Variants in ZNF616 observed in about 807,000 individuals in gnomAD.
ZNF616 encodes zinc finger protein 616.
Under a neutral mutation model 7.6 loss-of-function variants are expected in ZNF616, and 5 were observed. The ratio of observed to expected loss-of-function variants is 0.66; its 90% confidence interval spans 0.34 to 1.38. ZNF616 has a LOEUF of 1.38. Ranked by LOEUF, ZNF616 falls within the 40% of genes most tolerant of loss-of-function variation. ZNF616 has a pLI of 0.04. For synonymous variants in ZNF616, 319 were observed against 317.2 expected (o/e 1.01, Z -0.06); for missense variants, 913 against 948.3 (o/e 0.96, Z 0.49).
chr19:52,133,368 A>G (rs2088976310), intron 1 of ZNF616, among the ~76,000 whole-genome samples: 1 of 152,122 alleles, frequency 6.6e-6, no homozygotes. Context: ...GTAAAAATAG[A>G]CGTTGCAGTT....
Position 52,116,089 on chromosome 19 carries a change from C to T in ZNF616, c.1075G>A (p.Gly359Ser), listed in dbSNP as rs754738860. ...GKKPYKCDVCGKAFRHRSNLV... is the reference protein window; with the variant it reads ...GKKPYKCDVCSKAFRHRSNLV... ...TTTGATCTATGTCTGAATGCCTTGC[C>T]ACATACATCACATTTATATGGTTTC... Residue 359 changes from glycine (G) to serine (S), a missense_variant, in exon 4 of 4, where the codon GGC becomes AGC. Transcript: ENST00000600228. 8 of 1,614,156 alleles carry T rather than the reference C, an allele frequency of 5.0e-6. No homozygotes were observed. Among genetic ancestry groups the T allele is most frequent in the Non-Finnish European group, 6.8e-6 (8 of 1,180,024 alleles).
At chr19:52,118,926 C>G (rs770035798) in intron 3 of ZNF616, among the ~76,000 whole-genome samples, 1 of 152,164 alleles carries the variant, frequency 6.6e-6, no homozygotes, top group African/African-American at 2.4e-5. Flanking sequence ...TATGCACCTA[C>G]GTTTGCAGGA....
intron 3 of ZNF616, among the ~76,000 whole-genome samples, chr19:52,123,017 T>C (rs894598023): frequency 7.9e-5 from 12 of 152,184 alleles, no homozygotes; most frequent in African/African-American, 2.4e-4. Context: ...TACAACACTA[T>C]TGAGTTTGTG....
At chr19:52,119,592 A>AT (rs2088851236) in intron 3 of ZNF616, among the ~76,000 whole-genome samples, 1 of 152,256 alleles carries the variant, frequency 6.6e-6, no homozygotes, top group Admixed American at 6.5e-5. Context: ...GCAAGGAGTA[A>AT]TGTGCATGGG....
Position 52,135,895 on chromosome 19 carries a change from G to A in ZNF616, c.-77+3837C>T, listed in dbSNP as rs571584846. On this transcript the variant is annotated intron_variant, in intron 1 of 3. Coordinates refer to ENST00000600228, the MANE Select transcript of ZNF616 (RefSeq NM_178523.5). ...TGTAATCCTAGCATGTTGAGAGGCC[G>A]AGGCAGGCAGATCTCTTGAGGCCAG... 1.6e-4 allele frequency among the ~76,000 whole-genome samples: 25 copies of A among 152,122 alleles called. No individual in the cohort carries two copies. The South Asian group carries it at 3.9e-3, about 24-fold the overall frequency.
chr19:52,121,630 T>G (rs1453334931), intron 3 of ZNF616, among the ~76,000 whole-genome samples: 1 of 152,092 alleles, frequency 6.6e-6, no homozygotes, highest in African/African-American at 2.4e-5. Flanking sequence ...TCCAATGGAA[T>G]GGAATAGGAA....
chr19:52,123,318 A>G (rs2088878982), intron 3 of ZNF616, among the ~76,000 whole-genome samples: 1 of 152,136 alleles, frequency 6.6e-6, no homozygotes, highest in South Asian at 2.1e-4. Flanking sequence ...CACACCTGTA[A>G]TCCCAGCACT....
intron 1 of ZNF616, among the ~76,000 whole-genome samples, chr19:52,136,515 A>T (rs1243006886): frequency 6.6e-6 from 1 of 152,116 alleles, no homozygotes; most frequent in Non-Finnish European, 1.5e-5. Flanking sequence ...ATCATCAGGG[A>T]TATACAAATC....
chr19:52,122,667 GCT>G (rs1205510187), intron 3 of ZNF616, among the ~76,000 whole-genome samples: 2 of 142,942 alleles, frequency 1.4e-5, no homozygotes, highest in Non-Finnish European at 3.0e-5. Context: ...ATGGAGTCTC[GCT>G]CTGTCACCAG....
chr19:52,135,706 T>C (rs1451423734), intron 1 of ZNF616, among the ~76,000 whole-genome samples: 1 of 152,172 alleles, frequency 6.6e-6, no homozygotes, highest in Non-Finnish European at 1.5e-5. Context: ...CTCCTTTCAA[T>C]AAAATTTTCC....
chr19:52,136,536 T>C (rs2122176857), intron 1 of ZNF616, among the ~76,000 whole-genome samples: 1 of 152,114 alleles, frequency 6.6e-6, no homozygotes. Flanking sequence ...AAAACCACCA[T>C]AAGCTGTCAC....
At chr19:52,132,943 C>T (rs2088973084) in intron 1 of ZNF616, among the ~76,000 whole-genome samples, 1 of 152,050 alleles carries the variant, frequency 6.6e-6, no homozygotes, top group African/African-American at 2.4e-5. Flanking sequence ...GAGAAACATT[C>T]GAAGTCCGGA....
At chr19:52,135,285 A>C (rs1052928805) in intron 1 of ZNF616, among the ~76,000 whole-genome samples, 3 of 152,070 alleles carry the variant, frequency 2.0e-5, no homozygotes, top group African/African-American at 7.2e-5. Flanking sequence ...ACACACAAAG[A>C]TACCTGAGGA....
intron 2 of ZNF616, among the ~76,000 whole-genome samples, chr19:52,126,242 T>C (rs1326156609): frequency 2.6e-5 from 4 of 152,088 alleles, no homozygotes; most frequent in African/African-American, 7.2e-5. Flanking sequence ...TAAAAAGAAA[T>C]GTGGGCCGGG....
chr19:52,118,677 T>C (rs2088844591), intron 3 of ZNF616, among the ~76,000 whole-genome samples: 1 of 152,240 alleles, frequency 6.6e-6, no homozygotes, highest in African/African-American at 2.4e-5. Flanking sequence ...CTACTATAGG[T>C]AGCCATGCTG....
At position 52,117,043 on chromosome 19, in the gene ZNF616, A is replaced by C; in HGVS notation, c.140-19T>G. On this transcript the variant is annotated intron_variant, in intron 3 of 3. Coordinates refer to ENST00000600228, the MANE Select transcript of ZNF616 (RefSeq NM_178523.5). ...GAGATACCTGCAAAATATAATGAAC[A>C]TGAGTTTTTTTTTAAACTACTACTA... 1 of 1,528,890 alleles carries C rather than the reference A, an allele frequency of 6.5e-7. No homozygotes were observed. Among genetic ancestry groups the C allele is most frequent in the East Asian group, 2.3e-5 (1 of 43,804 alleles). 94.7% of individuals were successfully genotyped at this position (1,528,890 alleles called of 1,614,324 possible). A position where few individuals can be genotyped will look rare whatever the true frequency, so the allele number is the denominator to read the frequency against.
chr19:52,117,427 C>A (rs2088835190), intron 3 of ZNF616, among the ~76,000 whole-genome samples: 1 of 151,964 alleles, frequency 6.6e-6, no homozygotes, highest in African/African-American at 2.4e-5. Context: ...AAATGCCAAA[C>A]CACAGCAAGA....
At position 52,114,900 on chromosome 19, in the gene ZNF616, A is replaced by G. The variant is rs1438831352; in HGVS notation, c.2264T>C (p.Ile755Thr). 1 of 1,613,884 alleles carries G rather than the reference A, an allele frequency of 6.2e-7. No homozygotes were observed. Among genetic ancestry groups the G allele is most frequent in the Non-Finnish European group, 8.5e-7 (1 of 1,179,968 alleles). Residue 755 changes from isoleucine (I) to threonine (T), a missense_variant, in exon 4 of 4, where the codon ATT becomes ACT. Transcript: ENST00000600228. ...ATGTTTAGTGAGGCCTGAGCGACAA[A>G]TAAAAGATTTCCCACACTCATTACA... is the stretch of plus-strand genomic sequence containing the variant. ...YKCNECGKSF[I>T]CRSGLTKHRI...
chr19:52,115,258 T>C lies in ZNF616; in HGVS notation c.1906A>G (p.Asn636Asp). The C allele has an allele frequency of 6.2e-7, 1 of 1,614,188 alleles. No homozygotes were observed. The highest frequency in any genetic ancestry group is 8.5e-7 in the Non-Finnish European group (1 of 1,180,034). ...TGACTAAAGGAATTCCCACACTGAT[T>C]GCATTTGTAAGGTTTCTCTCCGGTA... ...IHTGEKPYKCNQCGNSFSQRV... is the reference protein window; with the variant it reads ...IHTGEKPYKCDQCGNSFSQRV... Residue 636 changes from asparagine (N) to aspartate (D), a missense_variant, in exon 4 of 4, where the codon AAT (asparagine) becomes GAT (aspartate). Asn to Asp is a conservative substitution (Grantham distance 23). Coordinates refer to ENST00000600228, the MANE Select transcript of ZNF616 (RefSeq NM_178523.5).
Sources: allele counts gnomAD v4.1 joint callset (sites outside exome capture counted in the v4.1 genomes callset), GRCh38; gene constraint gnomAD v4.1.1; transcripts MANE v1.5; gene names NCBI Gene and HGNC (gene_info 2026-07-23, HGNC 2026-07-21).